MEGF11: variants seen among roughly 807,000 people sequenced by gnomAD.
MEGF11 encodes multiple EGF like domains 11.
Under a neutral mutation model 146.6 loss-of-function variants are expected in MEGF11, and 126 were observed. The observed-to-expected ratio is 0.86, with a 90% CI of 0.74 to 1.00. MEGF11 has a LOEUF of 1.00. Ranked by LOEUF, MEGF11 falls within the 50% of genes least tolerant of loss-of-function variation. MEGF11 has a pLI of 0.00. For missense variants in MEGF11, 1,509 were observed against 1,521.2 expected (o/e 0.99, Z 0.13); for synonymous variants, 532 against 583.4 (o/e 0.91, Z 1.27).
intron 7 of MEGF11, among the ~76,000 whole-genome samples, chr15:65,975,369 G>A (rs965820834): frequency 1.3e-5 from 2 of 152,160 alleles, no homozygotes; most frequent in African/African-American, 2.4e-5. Context: ...AGTCTGGTAC[G>A]TAGAATGCAT....
At chr15:66,214,946 T>C (rs2091549881) in intron 1 of MEGF11, among the ~76,000 whole-genome samples, 1 of 152,044 alleles carries the variant, frequency 6.6e-6, no homozygotes, top group Non-Finnish European at 1.5e-5. Context: ...AGAAAAGGAT[T>C]GCTACCCTAG....
At chr15:66,229,874 G>A (rs189322146) in intron 1 of MEGF11, among the ~76,000 whole-genome samples, 1 of 152,320 alleles carries the variant, frequency 6.6e-6, no homozygotes, top group African/African-American at 2.4e-5. Context: ...GCTGGCCTCA[G>A]AAAGGTTGGG....
intron 1 of MEGF11, among the ~76,000 whole-genome samples, chr15:66,154,140 G>A (rs2089666934): frequency 6.6e-6 from 1 of 152,248 alleles, no homozygotes; most frequent in Non-Finnish European, 1.5e-5. Flanking sequence ...CTTTGCGTGA[G>A]ACAGGCAGCC....
chr15:66,172,927 C>A (rs970881150), intron 1 of MEGF11, among the ~76,000 whole-genome samples: 1 of 152,184 alleles, frequency 6.6e-6, no homozygotes, highest in Admixed American at 6.5e-5. Context: ...GACTTTTCCG[C>A]GTCCCTTTTC....
intron 13 of MEGF11, among the ~76,000 whole-genome samples, chr15:65,927,140 A>G (rs2079399267): frequency 6.6e-6 from 1 of 152,192 alleles, no homozygotes; most frequent in Non-Finnish European, 1.5e-5. Flanking sequence ...AATGCTTATT[A>G]AGCACTTCCT....
At chr15:66,252,512 G>A (rs1715867248) in intron 1 of MEGF11, among the ~76,000 whole-genome samples, 1 of 152,116 alleles carries the variant, frequency 6.6e-6, no homozygotes, top group South Asian at 2.1e-4. Context: ...CGCGGGCTGC[G>A]GGGCACCGAT....
rs537935348 is a variant in MEGF11, at chr15:66,177,523, T to A, written c.-8-49112A>T. 3.3e-5 allele frequency among the ~76,000 whole-genome samples: 5 copies of A among 152,036 alleles called. No individual in the cohort carries two copies. In the South Asian group the frequency reaches 1.0e-3, roughly 32 times the overall value. On this transcript the variant is annotated intron_variant, in intron 1 of 25. Transcript: ENST00000395614. ...ATTCCTCTCCTCTGGTTCCAGGGGGTGGGATGAGGGGAACGGCACATTTTA... is the reference window on the plus strand; with the variant it reads ...ATTCCTCTCCTCTGGTTCCAGGGGGAGGGATGAGGGGAACGGCACATTTTA...
At chr15:65,948,596 T>G (rs2080282290) in intron 10 of MEGF11, among the ~76,000 whole-genome samples, 1 of 152,226 alleles carries the variant, frequency 6.6e-6, no homozygotes, top group South Asian at 2.1e-4. Context: ...GCTTGCAGTG[T>G]GTCTTCTCTC....
intron 7 of MEGF11, among the ~76,000 whole-genome samples, chr15:65,977,715 G>A (rs1404437067): frequency 2.0e-5 from 3 of 151,772 alleles, no homozygotes; most frequent in Non-Finnish European, 4.4e-5. Flanking sequence ...AGGATAACTG[G>A]TCCTATTTCC....
intron 2 of MEGF11, 34 bp from the exon 3 acceptor site, chr15:66,124,034 A>G: frequency 6.5e-7 from 1 of 1,543,674 alleles, no homozygotes; most frequent in Non-Finnish European, 9.0e-7. Context: ...AGCCATGATT[A>G]GCACTTGGGA....
chr15:66,138,284 C>A (rs1256141230), intron 1 of MEGF11, among the ~76,000 whole-genome samples: 1 of 152,148 alleles, frequency 6.6e-6, no homozygotes, highest in Non-Finnish European at 1.5e-5. Context: ...TCCCAGCCAG[C>A]CCTTGAAGCC....
chr15:66,240,258 G>C (rs373413886), intron 1 of MEGF11, among the ~76,000 whole-genome samples: 1 of 152,238 alleles, frequency 6.6e-6, no homozygotes, highest in Non-Finnish European at 1.5e-5. Flanking sequence ...GAGAAGATGA[G>C]ATCTTGCCAA....
At chr15:66,105,703 T>C (rs1369994747) in intron 4 of MEGF11, among the ~76,000 whole-genome samples, 1 of 152,236 alleles carries the variant, frequency 6.6e-6, no homozygotes, top group Non-Finnish European at 1.5e-5. Context: ...CCTGCGGCTG[T>C]TTCAGAGAGA....
intron 1 of MEGF11, among the ~76,000 whole-genome samples, chr15:66,235,225 G>A (rs975943697): frequency 6.6e-6 from 1 of 152,190 alleles, no homozygotes; most frequent in African/African-American, 2.4e-5. Flanking sequence ...AAATATAGCA[G>A]GGCAAGGTGG....
intron 5 of MEGF11, among the ~76,000 whole-genome samples, chr15:66,028,141 T>C (rs2083399687): frequency 2.0e-5 from 3 of 152,256 alleles, no homozygotes; most frequent in Admixed American, 2.0e-4. Flanking sequence ...CCCAGTCTCC[T>C]CTTCCTGGTG....
At position 65,970,582 on chromosome 15, in the gene MEGF11, G is replaced by A; in HGVS notation, c.870C>T (p.Cys290=). Residue 290 remains cysteine (C), a synonymous_variant, in exon 8 of 26, where the codon TGC becomes TGT. Coordinates refer to ENST00000395614, the MANE Select transcript of MEGF11 (RefSeq NM_001385028.1). ...GGQCDHVTGQ[C]HCTAGYMGDR... Reference sequence around the variant, plus strand: ...CCCCCATGTATCCAGCTGTACAGTGGCACTGTCCAGTCACGTGGTCACACT... The same window carrying A: ...CCCCCATGTATCCAGCTGTACAGTGACACTGTCCAGTCACGTGGTCACACT... 1 of 1,613,860 alleles carries A rather than the reference G, an allele frequency of 6.2e-7. No homozygotes were observed. Among genetic ancestry groups the A allele is most frequent in the Non-Finnish European group, 8.5e-7 (1 of 1,179,746 alleles).
At chr15:65,899,622 T>C (rs1476014431) in intron 24 of MEGF11, among the ~76,000 whole-genome samples, 1 of 152,216 alleles carries the variant, frequency 6.6e-6, no homozygotes, top group Non-Finnish European at 1.5e-5. Context: ...GCAGTATCCC[T>C]GCCCTCCAGG....
intron 6 of MEGF11, 124 bp from the exon 7 acceptor site, chr15:65,981,022 C>T: frequency 8.0e-7 from 1 of 1,247,922 alleles, no homozygotes; most frequent in Non-Finnish European, 1.1e-6. Context: ...ACAGCATCCG[C>T]TGAACTGCAG....
intron 19 of MEGF11, among the ~76,000 whole-genome samples, chr15:65,914,876 A>G (rs2078938438): frequency 6.6e-6 from 1 of 152,186 alleles, no homozygotes; most frequent in Admixed American, 6.5e-5. Context: ...GCCAGCATTT[A>G]TTGGAGTGTT....
Sources: allele counts gnomAD v4.1 joint callset (sites outside exome capture counted in the v4.1 genomes callset), GRCh38; gene constraint gnomAD v4.1.1; transcripts MANE v1.5; gene names NCBI Gene and HGNC (gene_info 2026-07-23, HGNC 2026-07-21).